NR2F1-AS1: variants seen among roughly 807,000 people sequenced by gnomAD.
NR2F1-AS1 encodes the protein NR2F1 antisense RNA 1.
chr5:93,427,732 G>A (rs1749224353), intron 4 of NR2F1-AS1, among the ~76,000 whole-genome samples: 1 of 152,116 alleles, frequency 6.6e-6, no homozygotes, highest in Non-Finnish European at 1.5e-5. Flanking sequence ...AATGACTATG[G>A]TGCCCCACAT....
chr5:93,485,475 A>G (rs1212441881), intron 4 of NR2F1-AS1, among the ~76,000 whole-genome samples: 1 of 152,174 alleles, frequency 6.6e-6, no homozygotes, highest in Non-Finnish European at 1.5e-5. Context: ...TTAGAGGGAA[A>G]TTTATAGCAC....
At chr5:93,543,955 A>G (rs1281136783) in intron 4 of NR2F1-AS1, 1 of 152,210 alleles carries the variant, frequency 6.6e-6, no homozygotes, top group East Asian at 1.9e-4. Flanking sequence ...ACAAAGGCCC[A>G]CAGTCTGACA....
intron 4 of NR2F1-AS1, among the ~76,000 whole-genome samples, chr5:93,510,225 A>G (rs1294523921): frequency 2.6e-5 from 4 of 152,062 alleles, no homozygotes; most frequent in East Asian, 3.9e-4. Flanking sequence ...TGTGTGTTCT[A>G]TTTATCTAGG....
At chr5:93,477,387 T>C (rs1750507566) in intron 4 of NR2F1-AS1, among the ~76,000 whole-genome samples, 1 of 152,166 alleles carries the variant, frequency 6.6e-6, no homozygotes, top group African/African-American at 2.4e-5. Flanking sequence ...TTAATTACAA[T>C]AAAAGGGTTT....
chr5:93,580,247 G>T (rs1292535245), intron 1 of NR2F1-AS1, among the ~76,000 whole-genome samples: 1 of 152,262 alleles, frequency 6.6e-6, no homozygotes, highest in African/African-American at 2.4e-5. Context: ...CCCCTCCAAG[G>T]AGGCGCGGCG....
At chr5:93,505,805 T>G (rs913450949) in intron 4 of NR2F1-AS1, among the ~76,000 whole-genome samples, 2 of 152,172 alleles carry the variant, frequency 1.3e-5, no homozygotes, top group Admixed American at 1.3e-4. Context: ...CCTCCAGGCT[T>G]GTGATGGGAG....
upstream of NR2F1-AS1, chr5:93,581,072 A>G (rs959067995): frequency 6.6e-6 from 1 of 152,326 alleles, no homozygotes; most frequent in African/African-American, 2.4e-5. Flanking sequence ...TCCCCCAAAC[A>G]CGCAGTGCTT....
intron 4 of NR2F1-AS1, among the ~76,000 whole-genome samples, chr5:93,466,157 C>A (rs1249796056): frequency 1.3e-5 from 2 of 151,924 alleles, no homozygotes; most frequent in African/African-American, 4.8e-5. Flanking sequence ...ATGGTTGAGG[C>A]CTTCGCAACA....
intron 4 of NR2F1-AS1, among the ~76,000 whole-genome samples, chr5:93,416,128 CAGGGGAAACA>C (rs1196896893): frequency 2.6e-5 from 4 of 152,168 alleles, no homozygotes; most frequent in Admixed American, 6.5e-5. Context: ...GCTTATGAAA[CAGGGGAAACA>C]AGAAGATGAA....
At chr5:93,460,882 G>A (rs1458153201) in intron 4 of NR2F1-AS1, among the ~76,000 whole-genome samples, 3 of 152,202 alleles carry the variant, frequency 2.0e-5, no homozygotes, top group African/African-American at 7.2e-5. Flanking sequence ...TACACTGTTG[G>A]TGGGAGTGTA....
At chr5:93,451,409 C>A (rs770229551) in intron 4 of NR2F1-AS1, among the ~76,000 whole-genome samples, 66 of 147,990 alleles carry the variant, frequency 4.5e-4, no homozygotes, top group Non-Finnish European at 8.2e-4. Flanking sequence ...ATGACTTTAA[C>A]ATTTATTTCT....
chr5:93,412,628 G>A (rs1005784763), intron 4 of NR2F1-AS1, among the ~76,000 whole-genome samples: 4 of 152,088 alleles, frequency 2.6e-5, no homozygotes, highest in East Asian at 1.9e-4. Context: ...CTGGATTTTC[G>A]GTTTCCTACA....
At chr5:93,465,227 A>G (rs778150164) in intron 4 of NR2F1-AS1, among the ~76,000 whole-genome samples, 15 of 152,246 alleles carry the variant, frequency 9.9e-5, no homozygotes, top group Non-Finnish European at 2.1e-4. Context: ...ACAACTTTAC[A>G]AGAAAAAAAC....
chr5:93,548,413 C>T (rs1332789096), intron 4 of NR2F1-AS1, among the ~76,000 whole-genome samples: 1 of 152,108 alleles, frequency 6.6e-6, no homozygotes, highest in Non-Finnish European at 1.5e-5. Flanking sequence ...TACAGAAGAA[C>T]AACAATGCCT....
chr5:93,482,439 C>T (rs185338292), intron 4 of NR2F1-AS1, among the ~76,000 whole-genome samples: 10 of 152,282 alleles, frequency 6.6e-5, no homozygotes, highest in East Asian at 1.9e-4. Context: ...GCTTTTCCCA[C>T]GGTCTTCATA....
chr5:93,525,025 G>A (rs1751582274), intron 4 of NR2F1-AS1, among the ~76,000 whole-genome samples: 1 of 152,166 alleles, frequency 6.6e-6, no homozygotes. Context: ...AACCTTAAAT[G>A]TAAATGGACT....
intron 4 of NR2F1-AS1, among the ~76,000 whole-genome samples, chr5:93,513,306 T>C (rs1189198827): frequency 6.6e-6 from 1 of 152,172 alleles, no homozygotes; most frequent in East Asian, 1.9e-4. Flanking sequence ...AGCAATCCCA[T>C]TACTGGGTAT....
intron 4 of NR2F1-AS1, among the ~76,000 whole-genome samples, chr5:93,419,556 A>G (rs1249450044): frequency 6.6e-6 from 1 of 151,888 alleles, no homozygotes; most frequent in South Asian, 2.1e-4. Flanking sequence ...GGCAATACAG[A>G]AAGACTCTAC....
rs373728281 is a variant in NR2F1-AS1, at chr5:93,556,599, A to G, written n.414-1604T>C. On this transcript the variant is annotated intron_variant and non_coding_transcript_variant, in intron 2 of 5. Transcript: ENST00000660523. ...AATCATTAGGGTGGGCCCTAATCCA[A>G]TGTGACTGGTATCCTTACAAAGAGG... 5.1e-4 allele frequency among the ~76,000 whole-genome samples: 77 copies of G among 152,318 alleles called. 3 individuals are homozygous for G. The South Asian group carries it at 0.016, about 31-fold the overall frequency.
Sources: allele counts gnomAD v4.1 joint callset (sites outside exome capture counted in the v4.1 genomes callset), GRCh38; gene constraint gnomAD v4.1.1; transcripts MANE v1.5; gene names NCBI Gene and HGNC (gene_info 2026-07-23, HGNC 2026-07-21).